The following HLA-DPB1 variants were observed in gnomAD, a reference collection of about 807,000 sequenced individuals.
The protein encoded by HLA-DPB1 is major histocompatibility complex, class II, DP beta 1, also known as HLA class II histocompatibility antigen, DP beta 1 chain.
A neutral mutation model predicts 29.4 loss-of-function variants in HLA-DPB1; 30 were observed. The observed-to-expected ratio is 1.02, with a 90% CI of 0.76 to 1.38. The LOEUF is 1.38. Among genes scored for constraint, HLA-DPB1 ranks in the 40% most tolerant of loss-of-function variants. HLA-DPB1 has a pLI of 0.00. For missense variants in HLA-DPB1, 261 were observed against 327.5 expected (o/e 0.80, Z 1.57); for synonymous variants, 114 against 134.0 (o/e 0.85, Z 1.03).
Position 33,086,936 on chromosome 6 carries a change from G to A in HLA-DPB1, c.*402G>A. The A allele has an allele frequency of 4.1e-6, 1 of 245,846 alleles. No homozygotes were observed. The highest frequency in any genetic ancestry group is 5.2e-5 in the Admixed American group (1 of 19,076). The allele number at this position is 245,846 out of a possible 1,614,324, so 15.2% of individuals were successfully genotyped here. A position where few individuals can be genotyped will look rare whatever the true frequency, so the allele number is the denominator to read the frequency against. Reference sequence around the variant, plus strand: ...GATATGTTAACTATTGTATAATGGGGCCTGTTACACATGACACTCTTCTGA... The same window carrying A: ...GATATGTTAACTATTGTATAATGGGACCTGTTACACATGACACTCTTCTGA... On this transcript the variant is annotated 3_prime_UTR_variant, in exon 6 of 6. Coordinates refer to ENST00000418931, the MANE Select transcript of HLA-DPB1 (RefSeq NM_002121.6).
chr6:33,078,036 G>A (rs578075276), intron 1 of HLA-DPB1, among the ~76,000 whole-genome samples: 4 of 152,152 alleles, frequency 2.6e-5, no homozygotes, highest in Non-Finnish European at 4.4e-5. Flanking sequence ...ACTGAACAGT[G>A]TCAGGAGGAA....
intron 1 of HLA-DPB1, chr6:33,079,635 GCAA>G (rs534439917): frequency 3.1e-4 from 145 of 465,526 alleles, no homozygotes; most frequent in Non-Finnish European, 4.2e-4. Context: ...GCTTATGGGA[GCAA>G]CAACAACAAC....
At chr6:33,079,620 A>G in intron 1 of HLA-DPB1, 1 of 460,634 alleles carries the variant, frequency 2.2e-6, no homozygotes, top group Non-Finnish European at 4.2e-6. Flanking sequence ...TTGATGCCCA[A>G]CATTGCTTAT....
In HLA-DPB1 at chr6:33,080,613, G is replaced by A. The variant is rs1762786990; in HGVS notation, c.101-59G>A. 8.1e-6 allele frequency: 13 copies of A among 1,605,072 alleles called. No homozygotes were observed. The South Asian group carries it at 1.2e-4, about 15-fold the overall frequency. ...AGAATCGTTAATATTGAGAGAGAGA[G>A]GGAGAAAGAGGATTAGATGAGAGTG... On this transcript the variant is annotated intron_variant, in intron 1 of 5. Transcript: ENST00000418931. The surrounding 1 kb of genome is among the most constrained non-coding windows in gnomAD (Gnocchi z 4.3).
chr6:33,088,107 T>C lies in HLA-DPB1; in HGVS notation c.*1573T>C, dbSNP rs1051149895. Among the ~76,000 whole-genome samples, 3 of 152,152 alleles carry C rather than the reference T, an allele frequency of 2.0e-5. No homozygotes were observed. Among genetic ancestry groups the C allele is most frequent in the African/African-American group, 4.8e-5 (2 of 41,416 alleles). On this transcript the variant is annotated 3_prime_UTR_variant, in exon 6 of 6. Transcript: ENST00000418931. Reference sequence around the variant, plus strand: ...CCCTTTTGGCTTCACAGGAAACTTGTGAGAAACCTATGCAGCATAAAATTA... The same window carrying C: ...CCCTTTTGGCTTCACAGGAAACTTGCGAGAAACCTATGCAGCATAAAATTA...
chr6:33,078,089 G>A (rs1762641573), intron 1 of HLA-DPB1, among the ~76,000 whole-genome samples: 1 of 152,086 alleles, frequency 6.6e-6, no homozygotes, highest in Non-Finnish European at 1.5e-5. Flanking sequence ...GAGCTGTCAT[G>A]TGGGATGAGG....
intron 1 of HLA-DPB1, chr6:33,079,328 T>C: frequency 5.5e-6 from 1 of 182,298 alleles, no homozygotes; most frequent in Non-Finnish European, 1.1e-5. Flanking sequence ...ACACTGCTCA[T>C]GGCACTCCCT....
intron 3 of HLA-DPB1, 38 bp from the exon 4 acceptor site, chr6:33,085,741 G>T: frequency 7.6e-7 from 1 of 1,319,982 alleles, no homozygotes; most frequent in East Asian, 2.3e-5. Flanking sequence ...GGATGCAGCT[G>T]GTGGAGGTGA....
chr6:33,087,670 A>G lies in HLA-DPB1; in HGVS notation c.*1136A>G, dbSNP rs1763176201. On this transcript the variant is annotated 3_prime_UTR_variant, in exon 6 of 6. Coordinates refer to ENST00000418931, the MANE Select transcript of HLA-DPB1 (RefSeq NM_002121.6). ...TGTCCCTGGTCAATTCCCGAAAGCT[A>G]CTGTGCTCCTCTTGCCCATCTCCCC... Among the ~76,000 whole-genome samples, 1 of 152,144 alleles carries G rather than the reference A, an allele frequency of 6.6e-6. No homozygotes were observed. Among genetic ancestry groups the G allele is most frequent in the Admixed American group, 6.5e-5 (1 of 15,284 alleles).
At position 33,086,196 on chromosome 6, in the gene HLA-DPB1, T is replaced by G. The variant is rs765470254; in HGVS notation, c.758-23T>G. 1.8e-5 allele frequency: 28 copies of G among 1,557,150 alleles called. 1 individual carries two copies. The highest frequency in any genetic ancestry group is 2.2e-5 in the Non-Finnish European group (25 of 1,130,870). On this transcript the variant is annotated intron_variant, in intron 4 of 5. Transcript: ENST00000418931. ...GAGGTGGTTTCAATGGCTGATTATA[T>G]AACCTTTCGTCTTTCATTTCAGTTC...
At chr6:33,084,230 G>A (rs9277429) in intron 2 of HLA-DPB1, among the ~76,000 whole-genome samples, 57,703 of 151,842 alleles carry the variant, frequency 0.38, 12,358 homozygotes, top group East Asian at 0.64. Context: ...CTTTGAAAAG[G>A]TAGGTAATTT....
intron 1 of HLA-DPB1, chr6:33,079,693 C>A: frequency 2.0e-6 from 1 of 498,796 alleles, no homozygotes; most frequent in Non-Finnish European, 3.9e-6. Context: ...TTCTGGTCCA[C>A]AGCCTCAAGG....
At position 33,085,218 on chromosome 6, in the gene HLA-DPB1, C is replaced by T. The variant is rs1763045483; in HGVS notation, c.633C>T (p.Val211=). ...QVEHTSLDSP[V]TVEWKAQSDS... ...AGCACACCAGCCTGGATAGTCCTGTCACCGTGGAGTGGAGTGAGTCTCTGA... is the reference window on the plus strand; with the variant it reads ...AGCACACCAGCCTGGATAGTCCTGTTACCGTGGAGTGGAGTGAGTCTCTGA... Residue 211 remains valine (V), a synonymous_variant, in exon 3 of 6, where the codon GTC becomes GTT. Coordinates refer to ENST00000418931, the MANE Select transcript of HLA-DPB1 (RefSeq NM_002121.6). The T allele has an allele frequency of 1.9e-6, 3 of 1,607,528 alleles. No homozygotes were observed. Among genetic ancestry groups the T allele is most frequent in the Non-Finnish European group, 2.6e-6 (3 of 1,175,606 alleles).
Position 33,088,292 on chromosome 6 carries a change from G to A in HLA-DPB1, c.*1758G>A, listed in dbSNP as rs3117229. Among the ~76,000 whole-genome samples, 38,385 of 152,060 alleles carry A rather than the reference G, an allele frequency of 0.25. 5,264 individuals carry two copies. The highest frequency in any genetic ancestry group is 0.63 in the East Asian group (3,246 of 5,170). ...CATTACAAATTACAAACCATATCCA[G>A]TCAGAGTCATTCTCTTTCCTGCTTG... On this transcript the variant is annotated 3_prime_UTR_variant, in exon 6 of 6. Transcript: ENST00000418931.
rs1763206196 is a variant in HLA-DPB1 at position 33,088,368 on chromosome 6, A to G, written c.*1834A>G. Among the ~76,000 whole-genome samples the G allele has an allele frequency of 7.1e-6, 1 of 141,436 alleles. No individual in the cohort carries two copies. The highest frequency in any genetic ancestry group is 2.6e-5 in the African/African-American group (1 of 38,810). 92.8% of individuals were successfully genotyped at this position (141,436 alleles called of 152,430 possible). ...GGGCAGTACCCCGAGTGGAGTGAAC[A>G]ATCTCTGGACTAACACTTGTCAGGA... On this transcript the variant is annotated 3_prime_UTR_variant, in exon 6 of 6. Transcript: ENST00000418931.
chr6:33,076,071 C>T lies in HLA-DPB1; in HGVS notation c.30C>T (p.Pro10=). 1 of 1,612,632 alleles carries T rather than the reference C, an allele frequency of 6.2e-7. No individual in the cohort carries two copies. Among genetic ancestry groups the T allele is most frequent in the Non-Finnish European group, 8.5e-7 (1 of 1,179,920 alleles). ...TGGTTCTGCAGGTTTCTGCGGCCCC[C>T]CGGACAGTGGCTCTGACGGCGTTAC... MMVLQVSAA[P]RTVALTALLM... is the part of the protein sequence containing the mutation. Residue 10 remains proline, a synonymous_variant, in exon 1 of 6, where the codon CCC becomes CCT. Coordinates refer to ENST00000418931, the MANE Select transcript of HLA-DPB1 (RefSeq NM_002121.6).
chr6:33,078,965 T>C (rs2856821), intron 1 of HLA-DPB1, among the ~76,000 whole-genome samples: 32,174 of 151,996 alleles, frequency 0.21, 3,399 homozygotes, highest in South Asian at 0.25. Flanking sequence ...CCTGGAATTT[T>C]AGGGTCTGGG....
At chr6:33,083,735 G>T (rs1292308285) in intron 2 of HLA-DPB1, 1 of 152,264 alleles carries the variant, frequency 6.6e-6, no homozygotes, top group Non-Finnish European at 1.5e-5. Flanking sequence ...CTCCCAAAGT[G>T]CTAAGATTAT....
rs1036375409 is a variant in HLA-DPB1, at chr6:33,081,189, G to GC, written c.364+255dup. The GC allele has an allele frequency of 2.2e-4, 114 of 511,346 alleles. No individual in the cohort carries two copies. The African/African-American group carries it at 2.4e-3, about 11-fold the overall frequency. 31.7% of individuals were successfully genotyped at this position (511,346 alleles called of 1,614,324 possible). A position where few individuals can be genotyped will look rare whatever the true frequency, so the allele number is the denominator to read the frequency against. The stretch of plus-strand genomic sequence containing the variant: ...ACTTCATCAGGCCTGGCAGCTGACT[G>GC]CATGTGGGGTGAAAAAAGGAAGCCA... On this transcript the variant is annotated intron_variant, in intron 2 of 5. Transcript: ENST00000418931.
Sources: allele counts gnomAD v4.1 joint callset (sites outside exome capture counted in the v4.1 genomes callset), GRCh38; gene constraint gnomAD v4.1.1; non-coding constraint Gnocchi (gnomAD v3.1); transcripts MANE v1.5; gene names NCBI Gene and HGNC (gene_info 2026-07-23, HGNC 2026-07-21).